CAMTA1: variants seen among roughly 807,000 people sequenced by gnomAD.
The protein encoded by CAMTA1 is calmodulin-binding transcription activator 1.
In CAMTA1, 27 loss-of-function variants were observed where a neutral mutation model predicts 170.9. That is an observed-to-expected ratio of 0.16 (90% CI 0.12 to 0.22). The LOEUF (loss-of-function observed/expected upper bound fraction) is 0.22, where lower values mean the gene tolerates loss of function less well. Among genes scored for constraint, CAMTA1 ranks in the 10% least tolerant of loss-of-function variants. The pLI is 1.00. For synonymous variants in CAMTA1, 833 were observed against 891.5 expected, an observed-to-expected ratio of 0.93 and a Z score of 1.17; for missense variants, 1,619 against 2,217.2, an observed-to-expected ratio of 0.73 and a Z score of 5.42.
At chr1:6,996,194 T>C (rs1378702189) in intron 3 of CAMTA1, among the ~76,000 whole-genome samples, 2 of 152,224 alleles carry the variant, frequency 1.3e-5, no homozygotes, top group African/African-American at 4.8e-5. Context: ...TCAGAGTCCA[T>C]TGATTGATTG....
intron 3 of CAMTA1, among the ~76,000 whole-genome samples, chr1:6,829,752 C>T (rs760632013): frequency 1.3e-5 from 2 of 152,172 alleles, no homozygotes; most frequent in East Asian, 1.9e-4. Context: ...CGCTGCAGCC[C>T]GACTTTGAGT....
At chr1:7,714,819 GC>G (rs2096596978) in intron 11 of CAMTA1, among the ~76,000 whole-genome samples, 1 of 152,046 alleles carries the variant, frequency 6.6e-6, no homozygotes, top group African/African-American at 2.4e-5. Flanking sequence ...ACCACGTTTG[GC>G]CCACAGCATC....
rs2094976510 is a variant in CAMTA1 at position 7,562,803 on chromosome 1, C to A, written c.511-77597C>A. On this transcript the variant is annotated intron_variant, in intron 6 of 22. Coordinates refer to ENST00000303635, the MANE Select transcript of CAMTA1 (RefSeq NM_015215.4). The surrounding 1 kb of genome is among the most constrained non-coding windows in gnomAD (Gnocchi z 4.8). Reference sequence around the variant, plus strand: ...TTCTTGTTCTCATGGTCCCCAGGACCCCCAAGCAAGGCGGACGGGATGACA... The same window carrying A: ...TTCTTGTTCTCATGGTCCCCAGGACACCCAAGCAAGGCGGACGGGATGACA... Among the ~76,000 whole-genome samples, 1 of 152,168 alleles carries A rather than the reference C, an allele frequency of 6.6e-6. No homozygotes were observed. The highest frequency in any genetic ancestry group is 1.5e-5 in the Non-Finnish European group (1 of 68,026).
At chr1:7,284,177 C>CTTCTTCTTCCTA (rs1333698169) in intron 5 of CAMTA1, among the ~76,000 whole-genome samples, 1 of 99,308 alleles carries the variant, frequency 1.0e-5, no homozygotes, top group Non-Finnish European at 2.0e-5. Context: ...TCTTCTTCTT[C>CTTCTTCTTCCTA]TTATTATTAT....
intron 4 of CAMTA1, among the ~76,000 whole-genome samples, chr1:7,132,239 G>T (rs1346625849): frequency 6.6e-6 from 1 of 152,194 alleles, no homozygotes; most frequent in Admixed American, 6.5e-5. Context: ...TGAATTTGGG[G>T]AGAATTGACA....
intron 5 of CAMTA1, among the ~76,000 whole-genome samples, chr1:7,369,891 T>C (rs995746084): frequency 3.3e-5 from 5 of 152,152 alleles, no homozygotes; most frequent in African/African-American, 1.2e-4. Context: ...GTGGGTAAGG[T>C]TAATTCTTGA....
At chr1:7,421,714 C>G (rs150021469) in intron 5 of CAMTA1, among the ~76,000 whole-genome samples, 1 of 152,304 alleles carries the variant, frequency 6.6e-6, no homozygotes, top group African/African-American at 2.4e-5. Context: ...CTGTTGCCAC[C>G]TCATTGGTGG....
At chr1:7,385,169 A>C (rs2087805721) in intron 5 of CAMTA1, among the ~76,000 whole-genome samples, 2 of 149,362 alleles carry the variant, frequency 1.3e-5, no homozygotes, top group Admixed American at 6.7e-5. Context: ...GGCTCACTGC[A>C]ACCTCCGCCT....
chr1:7,710,567 C>T (rs2096562070), intron 11 of CAMTA1, among the ~76,000 whole-genome samples: 1 of 146,426 alleles, frequency 6.8e-6, no homozygotes. Context: ...CACCACTGCA[C>T]TCCAGCCTGG....
At chr1:7,511,661 C>A (rs1209374608) in intron 6 of CAMTA1, among the ~76,000 whole-genome samples, 1 of 152,094 alleles carries the variant, frequency 6.6e-6, no homozygotes, top group Non-Finnish European at 1.5e-5. Context: ...TATTCTGACC[C>A]CACCAGAGGC....
intron 5 of CAMTA1, among the ~76,000 whole-genome samples, chr1:7,458,558 CCT>C: frequency 6.6e-6 from 1 of 152,186 alleles, no homozygotes; most frequent in Admixed American, 6.5e-5. Context: ...TTTTGGGGAG[CCT>C]TCCCGCCCCT....
intron 5 of CAMTA1, among the ~76,000 whole-genome samples, chr1:7,302,167 T>G (rs201374401): frequency 2.7e-5 from 4 of 147,568 alleles, no homozygotes; most frequent in Admixed American, 6.7e-5. Flanking sequence ...TTGGTGGGGG[T>G]GGGGGGTCTC....
intron 7 of CAMTA1, among the ~76,000 whole-genome samples, chr1:7,658,557 C>A (rs1363170336): frequency 6.6e-6 from 1 of 152,106 alleles, no homozygotes; most frequent in African/African-American, 2.4e-5. Flanking sequence ...TGCCCTGTGG[C>A]CTCTGGAATG....
At chr1:6,820,366 G>T (rs1278236765) in intron 2 of CAMTA1, 116 bp downstream of exon 2, 1 of 894,090 alleles carries the variant, frequency 1.1e-6, no homozygotes, top group South Asian at 1.5e-5. Context: ...CCTGGGTTCT[G>T]CACTTAACTG....
intron 6 of CAMTA1, among the ~76,000 whole-genome samples, chr1:7,489,144 G>T (rs985590645): frequency 6.6e-6 from 1 of 152,202 alleles, no homozygotes; most frequent in Non-Finnish European, 1.5e-5. Flanking sequence ...CTATTATTTG[G>T]GGCCTCCTTT....
intron 11 of CAMTA1, among the ~76,000 whole-genome samples, chr1:7,696,322 A>C (rs1417934257): frequency 6.6e-6 from 1 of 152,046 alleles, no homozygotes; most frequent in Non-Finnish European, 1.5e-5. Flanking sequence ...TCAGCCTCCG[A>C]GTAGCTGGGA....
intron 4 of CAMTA1, among the ~76,000 whole-genome samples, chr1:7,174,860 T>A (rs939980436): frequency 6.6e-6 from 1 of 152,160 alleles, no homozygotes; most frequent in Admixed American, 6.5e-5. Flanking sequence ...AGGCAGCTTG[T>A]GGGTCTGGGA....
chr1:6,856,277 G>GTT (rs765416471), intron 3 of CAMTA1, among the ~76,000 whole-genome samples: 16 of 122,910 alleles, frequency 1.3e-4, no homozygotes, highest in Non-Finnish European at 1.2e-4. Flanking sequence ...TGGAACCAGT[G>GTT]TTTTTTTTTT....
chr1:7,027,861 G>A (rs1027642563), intron 3 of CAMTA1, among the ~76,000 whole-genome samples: 9 of 151,302 alleles, frequency 5.9e-5, no homozygotes, highest in African/African-American at 1.9e-4. Context: ...ATGCTTAGAT[G>A]TTCTTTTACT....
Sources: gnomAD v4.1 joint callset for allele counts (sites outside exome capture counted in the v4.1 genomes callset) on GRCh38, gnomAD v4.1.1 for gene constraint, Gnocchi (gnomAD v3.1) non-coding constraint, MANE v1.5 for transcripts, NCBI Gene and HGNC (gene_info 2026-07-23, HGNC 2026-07-21) for gene names.